ATP13A5: variants seen among roughly 807,000 people sequenced by gnomAD.
The protein encoded by ATP13A5 is ATPase 13A5.
Under a neutral mutation model 150.2 loss-of-function variants are expected in ATP13A5, and 149 were observed. The observed-to-expected ratio is 0.99, with a 90% CI of 0.87 to 1.14. ATP13A5 has a LOEUF of 1.14. Among genes scored for constraint, ATP13A5 ranks in the 50% most tolerant of loss-of-function variants. ATP13A5 has a pLI of 0.00. For synonymous variants in ATP13A5, 497 were observed against 522.2 expected, an observed-to-expected ratio of 0.95 and a Z score of 0.66; for missense variants, 1,383 against 1,449.3, an observed-to-expected ratio of 0.95 and a Z score of 0.74.
intron 12 of ATP13A5, among the ~76,000 whole-genome samples, chr3:193,330,007 T>C (rs927757657): frequency 4.6e-5 from 7 of 152,180 alleles, no homozygotes; most frequent in African/African-American, 1.7e-4. Flanking sequence ...TATGAGGCCC[T>C]TAACAATTGC....
intron 1 of ATP13A5, among the ~76,000 whole-genome samples, chr3:193,376,196 C>T (rs988304373): frequency 6.6e-6 from 1 of 152,152 alleles, no homozygotes. Flanking sequence ...TGGCTTCCCT[C>T]GATTTATTTA....
chr3:193,314,126 C>A lies in ATP13A5; in HGVS notation c.2226G>T (p.Val742=). The change falls in exon 19 of 30, where the codon GTG becomes GTT. Residue 742 remains valine (V), a synonymous_variant. Transcript: ENST00000342358. ...CTGGTTCATCGGCCTCAACAATGAT[C>A]ACTTGGCTGCCTGGAGGGATCATTT... The part of the protein sequence containing the change: ...NSEMIPPGSQ[V]IIVEADEPEE... 6.2e-7 allele frequency: 1 copy of A among 1,613,994 alleles called. No homozygotes were observed. Among genetic ancestry groups the A allele is most frequent in the South Asian group, 1.1e-5 (1 of 91,076 alleles).
intron 20 of ATP13A5, 79 bp from the exon 21 acceptor site, chr3:193,310,796 C>G (rs1718815117): frequency 9.4e-7 from 1 of 1,067,804 alleles, no homozygotes; most frequent in Admixed American, 2.3e-5. Flanking sequence ...CCTGAAAAAT[C>G]ACTCCTGGTT....
intron 23 of ATP13A5, 26 bp from the exon 24 acceptor site, chr3:193,301,333 A>T: frequency 3.2e-6 from 5 of 1,578,918 alleles, no homozygotes; most frequent in Non-Finnish European, 4.3e-6. Context: ...TAAAAATAAA[A>T]ATTGGTTATG....
chr3:193,343,309 A>C (rs1225491959), intron 9 of ATP13A5, among the ~76,000 whole-genome samples: 1 of 152,232 alleles, frequency 6.6e-6, no homozygotes, highest in Admixed American at 6.5e-5. Context: ...AATTAAACAA[A>C]TTCAAGTAGA....
chr3:193,322,494 A>G lies in ATP13A5; in HGVS notation c.1755T>C (p.Ser585=). 6.2e-7 allele frequency: 1 copy of G among 1,611,872 alleles called. No homozygotes were observed. The highest frequency in any genetic ancestry group is 1.1e-5 in the South Asian group (1 of 90,932). Residue 585 remains serine (S), a synonymous_variant, in exon 15 of 30, where the codon AGT becomes AGC. Coordinates refer to ENST00000342358, the MANE Select transcript of ATP13A5 (RefSeq NM_198505.4). The part of the protein sequence containing the change: ...SNIIKPGPKA[S]KSPVEAIITL... ...GATGTAAAGAAGGAAATCATACCTT[A>G]CTGGCTTTTGGTCCTGGTTTTATGA...
intron 1 of ATP13A5, among the ~76,000 whole-genome samples, chr3:193,371,736 G>A (rs1009064645): frequency 6.6e-6 from 1 of 152,092 alleles, no homozygotes; most frequent in Non-Finnish European, 1.5e-5. Context: ...GACCTCTCTC[G>A]TGCTTTAACT....
chr3:193,296,948 C>T (rs191311869), intron 25 of ATP13A5, among the ~76,000 whole-genome samples: 211 of 152,010 alleles, frequency 1.4e-3, no homozygotes, highest in African/African-American at 4.8e-3. Flanking sequence ...AGACAAAACA[C>T]GCTGGGGCCT....
At chr3:193,358,016 G>T (rs1017772837) in intron 5 of ATP13A5, among the ~76,000 whole-genome samples, 3 of 152,082 alleles carry the variant, frequency 2.0e-5, no homozygotes, top group Non-Finnish European at 4.4e-5. Flanking sequence ...ATAATGTGTC[G>T]TGTGGTAGCC....
chr3:193,373,575 A>G (rs866806728), intron 1 of ATP13A5, among the ~76,000 whole-genome samples: 5 of 152,092 alleles, frequency 3.3e-5, no homozygotes, highest in South Asian at 2.1e-4. Context: ...CTCACTTAAC[A>G]TATGTATTCC....
At chr3:193,361,624 G>C (rs566957480) in intron 5 of ATP13A5, among the ~76,000 whole-genome samples, 46 of 152,304 alleles carry the variant, frequency 3.0e-4, no homozygotes, top group Non-Finnish European at 5.6e-4. Context: ...TTTCCTTTCA[G>C]ATTTGCCAGG....
chr3:193,360,583 AC>A (rs1226838412), intron 5 of ATP13A5, among the ~76,000 whole-genome samples: 1 of 152,208 alleles, frequency 6.6e-6, no homozygotes, highest in Non-Finnish European at 1.5e-5. Flanking sequence ...CATAAATATG[AC>A]CATGTTTATA....
At chr3:193,360,638 C>G (rs893341685) in intron 5 of ATP13A5, among the ~76,000 whole-genome samples, 3 of 152,184 alleles carry the variant, frequency 2.0e-5, no homozygotes, top group African/African-American at 7.2e-5. Flanking sequence ...AAATGATACT[C>G]TTTGTCTTGC....
chr3:193,374,587 G>A (rs1441856932), intron 1 of ATP13A5, among the ~76,000 whole-genome samples: 2 of 150,776 alleles, frequency 1.3e-5, no homozygotes, highest in Non-Finnish European at 2.9e-5. Context: ...TGAGGCTGCA[G>A]TGAGCTATGA....
intron 27 of ATP13A5, 62 bp from the exon 28 acceptor site, chr3:193,279,516 C>T (rs1284608256): frequency 1.0e-5 from 14 of 1,360,928 alleles, no homozygotes; most frequent in Non-Finnish European, 1.3e-5. Context: ...ATTTGGCACA[C>T]ATTGCAGAAT....
rs753052490 is a variant in ATP13A5, at chr3:193,319,124, A to C, written c.1916-16T>G. 1 of 1,595,116 alleles carries C rather than the reference A, an allele frequency of 6.3e-7. No individual in the cohort carries two copies. On this transcript the variant is annotated splice_polypyrimidine_tract_variant and intron_variant, in intron 16 of 29. Coordinates refer to ENST00000342358, the MANE Select transcript of ATP13A5 (RefSeq NM_198505.4). ...TTCTTGGGCACTGCCAGGGTAGAAGAAACAGGTAAGTGTAAGGTCATGTTG... is the reference window on the plus strand; with the variant it reads ...TTCTTGGGCACTGCCAGGGTAGAAGCAACAGGTAAGTGTAAGGTCATGTTG...
At chr3:193,278,950 G>A (rs528990601) in intron 28 of ATP13A5, among the ~76,000 whole-genome samples, 1 of 152,206 alleles carries the variant, frequency 6.6e-6, no homozygotes, top group South Asian at 2.1e-4. Flanking sequence ...AAAACTTCAT[G>A]TAGTCAATAT....
intron 28 of ATP13A5, among the ~76,000 whole-genome samples, chr3:193,278,859 G>T (rs1426429537): frequency 6.6e-6 from 1 of 152,062 alleles, no homozygotes; most frequent in African/African-American, 2.4e-5. Flanking sequence ...TCACAATACG[G>T]GGTCCAAGAA....
intron 3 of ATP13A5, 113 bp from the exon 4 acceptor site, chr3:193,362,750 CTTCTTTCTTTCT>C (rs751840109): frequency 0.13 from 82,317 of 628,050 alleles, 10,053 homozygotes; most frequent in East Asian, 0.18. Flanking sequence ...ACTTGCTTTC[CTTCTTTCTTTCT>C]TTCTTTCTTT....
Sources: gnomAD v4.1 joint callset for allele counts (sites outside exome capture counted in the v4.1 genomes callset) on GRCh38, gnomAD v4.1.1 for gene constraint, MANE v1.5 for transcripts, NCBI Gene and HGNC (gene_info 2026-07-23, HGNC 2026-07-21) for gene names.